The following SMYD3 variants were observed in gnomAD, a reference collection of about 807,000 sequenced individuals.
SMYD3 encodes SET and MYND domain containing 3.
Under a neutral mutation model 57.7 loss-of-function variants are expected in SMYD3, and 36 were observed. The ratio of observed to expected loss-of-function variants is 0.62; its 90% CI spans 0.48 to 0.82. The LOEUF is 0.82. Ranked by LOEUF, SMYD3 falls within the 40% of genes least tolerant of loss-of-function variation. The pLI, the probability that SMYD3 is intolerant of heterozygous loss-of-function variation, is 0.00. For synonymous variants in SMYD3, 211 were observed against 195.0 expected (o/e 1.08, Z -0.68); for missense variants, 515 against 538.8 (o/e 0.96, Z 0.44).
chr1:246,277,271 A>G (rs534665426), intron 5 of SMYD3, among the ~76,000 whole-genome samples: 1 of 152,338 alleles, frequency 6.6e-6, no homozygotes, highest in South Asian at 2.1e-4. Context: ...AACGCTCAAC[A>G]TCATTTATCA....
At position 245,835,397 on chromosome 1, in the gene SMYD3, C is replaced by T. The variant is rs192872896; in HGVS notation, c.1076+23099G>A. On this transcript the variant is annotated intron_variant, in intron 10 of 11. Transcript: ENST00000490107. ...CCTCCCAAAGTGCTGGGATTACAGG[C>T]GTGAGCCACCGTGCCCGGCCCCTGA... is the stretch of plus-strand genomic sequence containing the variant. 6.2e-3 allele frequency among the ~76,000 whole-genome samples: 948 copies of T among 152,150 alleles called. 13 individuals carry two copies. Among genetic ancestry groups the T allele is most frequent in the African/African-American group, 0.021 (891 of 41,504 alleles).
At chr1:246,161,894 G>T (rs760598375) in intron 5 of SMYD3, among the ~76,000 whole-genome samples, 11 of 152,160 alleles carry the variant, frequency 7.2e-5, no homozygotes, top group Non-Finnish European at 1.5e-4. Context: ...ACTCCTAGAA[G>T]TAGGAGTTTG....
At chr1:246,471,576 A>G (rs1371601925) in intron 1 of SMYD3, among the ~76,000 whole-genome samples, 1 of 152,222 alleles carries the variant, frequency 6.6e-6, no homozygotes, top group East Asian at 1.9e-4. Flanking sequence ...TAAACTTTCC[A>G]GTGAAGAAGA....
intron 1 of SMYD3, among the ~76,000 whole-genome samples, chr1:246,356,467 G>T (rs2065911794): frequency 6.6e-6 from 1 of 152,142 alleles, no homozygotes. Context: ...GCAAGAAAAA[G>T]AATTCAGAAG....
chr1:246,354,778 T>C (rs1376841605), intron 2 of SMYD3, among the ~76,000 whole-genome samples: 1 of 151,918 alleles, frequency 6.6e-6, no homozygotes, highest in Non-Finnish European at 1.5e-5. Context: ...GGCAATAAGA[T>C]GGGGAGGAAT....
At chr1:245,754,019 C>G (rs1284150540) in intron 11 of SMYD3, among the ~76,000 whole-genome samples, 1 of 152,046 alleles carries the variant, frequency 6.6e-6, no homozygotes, top group Non-Finnish European at 1.5e-5. Context: ...TCATTTGAAG[C>G]CTCCAAGGAG....
chr1:246,039,330 T>A (rs1389330141), intron 5 of SMYD3, among the ~76,000 whole-genome samples: 1 of 152,238 alleles, frequency 6.6e-6, no homozygotes, highest in Non-Finnish European at 1.5e-5. Flanking sequence ...TATTTATATG[T>A]TCATCTAGAT....
intron 5 of SMYD3, among the ~76,000 whole-genome samples, chr1:245,979,640 C>T (rs1013604380): frequency 3.3e-5 from 5 of 152,286 alleles, no homozygotes; most frequent in Middle Eastern, 3.4e-3. Context: ...CCTGCCCACA[C>T]GCCCTGATTT....
At chr1:245,806,619 A>G (rs949907609) in intron 10 of SMYD3, among the ~76,000 whole-genome samples, 8 of 152,164 alleles carry the variant, frequency 5.3e-5, no homozygotes, top group African/African-American at 1.9e-4. Context: ...GTGGGTTAAA[A>G]GAGGGAGAAG....
intron 11 of SMYD3, among the ~76,000 whole-genome samples, chr1:245,754,872 G>C (rs1422852947): frequency 6.6e-6 from 1 of 152,228 alleles, no homozygotes; most frequent in African/African-American, 2.4e-5. Flanking sequence ...CAGTGGAACA[G>C]TGTGTGTTCA....
intron 1 of SMYD3, among the ~76,000 whole-genome samples, chr1:246,395,659 AC>A (rs1436006330): frequency 2.7e-4 from 23 of 84,032 alleles, no homozygotes; most frequent in East Asian, 1.6e-3. Flanking sequence ...GACAGGGAAG[AC>A]GAACCCACCA....
chr1:246,500,223 G>A (rs1558493442), intron 1 of SMYD3, among the ~76,000 whole-genome samples: 1 of 152,224 alleles, frequency 6.6e-6, no homozygotes, highest in Non-Finnish European at 1.5e-5. Context: ...CACCCTAGCT[G>A]CAAGGGAGGT....
chr1:245,952,690 G>A (rs910389629), intron 5 of SMYD3, among the ~76,000 whole-genome samples: 3 of 152,178 alleles, frequency 2.0e-5, no homozygotes, highest in Non-Finnish European at 4.4e-5. Context: ...CTCACATTCT[G>A]TGCAAAAACA....
intron 1 of SMYD3, among the ~76,000 whole-genome samples, chr1:246,395,742 CGAACCCACCACAGTCAGACAGGGAAGAG>C (rs2066656543): frequency 2.7e-5 from 3 of 110,052 alleles, no homozygotes; most frequent in Non-Finnish European, 5.8e-5. Context: ...ACAGGGAAGA[CGAACCCACCACAGTCAGACAGGGAAGAG>C]GAACCCACCA....
In SMYD3 at chr1:245,976,903, CTAGCCTAGGGAAAGCCAT is replaced by C. The variant is rs1162333402; in HGVS notation, c.532-46984_532-46967del. Among the ~76,000 whole-genome samples, 27 of 56,026 alleles carry C rather than the reference CTAGCCTAGGGAAAGCCAT, an allele frequency of 4.8e-4. 3 individuals carry two copies. The highest frequency in any genetic ancestry group is 1.2e-3 in the Admixed American group (7 of 5,766). 36.8% of individuals were successfully genotyped at this position (56,026 alleles called of 152,430 possible). A position where few individuals can be genotyped will look rare whatever the true frequency, so the allele number is the denominator to read the frequency against. On this transcript the variant is annotated intron_variant, in intron 5 of 11. Coordinates refer to ENST00000490107, the MANE Select transcript of SMYD3 (RefSeq NM_001167740.2). ...TCCGGCCCAGGGAAAGCCATCGTCT[CTAGCCTAGGGAAAGCCAT>C]CGTCTCTAGCCTAGGGAAAGCCATC...
rs200243701 is a variant in SMYD3, at chr1:245,786,215, G to GGGC, written c.1077-22067_1077-22066insGCC. On this transcript the variant is annotated intron_variant, in intron 10 of 11. Coordinates refer to ENST00000490107, the MANE Select transcript of SMYD3 (RefSeq NM_001167740.2). ...ACTGAGTTGAGTTGGGGTGTGGACG[G>GGGC]GGGGGGGATGGTGGCAACAGAATAT... Among the ~76,000 whole-genome samples the GGGC allele has an allele frequency of 4.6e-4, 68 of 147,202 alleles. 6 individuals carry two copies. In the East Asian group the frequency reaches 5.6e-3, roughly 12 times the overall value.
At chr1:246,382,032 C>G (rs1045500004) in intron 1 of SMYD3, among the ~76,000 whole-genome samples, 24 of 151,296 alleles carry the variant, frequency 1.6e-4, no homozygotes, top group African/African-American at 5.9e-4. Context: ...ATCCCTCCAG[C>G]TGACACCTAT....
At chr1:245,804,058 G>A (rs977929780) in intron 10 of SMYD3, among the ~76,000 whole-genome samples, 8 of 151,606 alleles carry the variant, frequency 5.3e-5, no homozygotes, top group East Asian at 2.0e-4. Flanking sequence ...GACCACAGGC[G>A]CCCACCACCA....
At chr1:246,273,496 CT>C (rs938262369) in intron 5 of SMYD3, among the ~76,000 whole-genome samples, 1 of 138,824 alleles carries the variant, frequency 7.2e-6, no homozygotes, top group East Asian at 2.3e-4. Flanking sequence ...TTGGAATCTT[CT>C]TTTTTCTTAG....
Sources: allele counts gnomAD v4.1 joint callset (sites outside exome capture counted in the v4.1 genomes callset), GRCh38; gene constraint gnomAD v4.1.1; transcripts MANE v1.5; gene names NCBI Gene and HGNC (gene_info 2026-07-23, HGNC 2026-07-21).